Variants in RANBP2 observed in about 807,000 individuals in gnomAD.
RANBP2 encodes the protein E3 SUMO-protein ligase RanBP2.
In RANBP2, 57 loss-of-function variants were observed where a neutral mutation model predicts 303.6. That is an observed-to-expected ratio of 0.19 (90% confidence interval 0.15 to 0.23). The LOEUF is 0.23. RANBP2 is among the 10% of genes least tolerant of loss of function. RANBP2 has a pLI of 1.00. For missense variants in RANBP2, 3,138 were observed against 3,780.8 expected (o/e 0.83, Z 4.46); for synonymous variants, 1,167 against 1,301.5 (o/e 0.90, Z 2.23).
At chr2:108,905,992 G>T in the RANBP2 span, among the ~76,000 whole-genome samples, 1 of 146,012 alleles carries the variant, frequency 6.8e-6, no homozygotes, top group South Asian at 2.1e-4. Flanking sequence ...GGTCTCTGGG[G>T]ACACGGGAGG....
At chr2:109,696,123 C>G in the RANBP2 span, among the ~76,000 whole-genome samples, 1 of 152,020 alleles carries the variant, frequency 6.6e-6, no homozygotes, top group Non-Finnish European at 1.5e-5. Context: ...GCCACCATGC[C>G]TGGCTAATTT....
chr2:109,679,466 G>T, the RANBP2 span, among the ~76,000 whole-genome samples: 1 of 152,166 alleles, frequency 6.6e-6, no homozygotes, highest in Non-Finnish European at 1.5e-5. Context: ...TATGAAAGTT[G>T]AACATGTACA....
chr2:109,418,453 G>T, the RANBP2 span, among the ~76,000 whole-genome samples: 3 of 152,104 alleles, frequency 2.0e-5, no homozygotes, highest in African/African-American at 7.2e-5. Flanking sequence ...CTGTTCCGGG[G>T]CTCCCTCCTG....
chr2:109,750,468 G>A, the RANBP2 span, among the ~76,000 whole-genome samples: 1 of 7,810 alleles, frequency 1.3e-4, no homozygotes, highest in African/African-American at 4.1e-4. Flanking sequence ...TCTGGGTTAT[G>A]CTAATGGTTG....
the RANBP2 span, among the ~76,000 whole-genome samples, chr2:109,039,220 G>T: frequency 4.6e-5 from 7 of 152,220 alleles, no homozygotes; most frequent in Non-Finnish European, 1.0e-4. Context: ...TCTCCAGCCT[G>T]CTGGTCTTTC....
At chr2:109,520,935 CAAA>C in the RANBP2 span, among the ~76,000 whole-genome samples, 1 of 118,300 alleles carries the variant, frequency 8.5e-6, no homozygotes. Context: ...GACTCCATCT[CAAA>C]AAAAAAAAAG....
the RANBP2 span, among the ~76,000 whole-genome samples, chr2:109,319,597 G>A: frequency 2.6e-5 from 4 of 152,350 alleles, no homozygotes; most frequent in South Asian, 8.3e-4. Flanking sequence ...AGAACAGAAA[G>A]CCCCACACTC....
At chr2:109,039,876 C>G in the RANBP2 span, among the ~76,000 whole-genome samples, 1 of 151,918 alleles carries the variant, frequency 6.6e-6, no homozygotes, top group Non-Finnish European at 1.5e-5. Context: ...TGTGTATGAT[C>G]TCTATGCAGT....
chr2:108,781,978 C>T, intron 26 of RANBP2, 150 bp from the exon 27 acceptor site: 2 of 815,828 alleles, frequency 2.5e-6, no homozygotes, highest in South Asian at 3.7e-5. Context: ...CAGATATATT[C>T]CTAGCCCTAA....
At chr2:108,757,679 G>A (rs1650584173) in intron 17 of RANBP2, among the ~76,000 whole-genome samples, 1 of 152,198 alleles carries the variant, frequency 6.6e-6, no homozygotes, top group Admixed American at 6.5e-5. Flanking sequence ...TTGCAGTGCA[G>A]AAAGAACACA....
chr2:109,574,574 A>T, the RANBP2 span: 1 of 1,496,254 alleles, frequency 6.7e-7, no homozygotes, highest in Non-Finnish European at 8.9e-7. Flanking sequence ...TCCTTTCCTC[A>T]ACCCACCTTG....
At chr2:109,522,421 C>T in the RANBP2 span, among the ~76,000 whole-genome samples, 1 of 152,074 alleles carries the variant, frequency 6.6e-6, no homozygotes, top group African/African-American at 2.4e-5. Context: ...CCCCACCCCC[C>T]AAGTATCTGG....
At chr2:109,133,108 GCT>G in the RANBP2 span, among the ~76,000 whole-genome samples, 52 of 152,352 alleles carry the variant, frequency 3.4e-4, no homozygotes, top group African/African-American at 1.2e-3. Context: ...GTGGTTGCAA[GCT>G]GTCTGCCCAG....
the RANBP2 span, chr2:108,873,283 G>A: frequency 8.3e-6 from 2 of 241,688 alleles, no homozygotes; most frequent in Non-Finnish European, 1.2e-5. Flanking sequence ...GCCAGTGGAT[G>A]TTTTAATTTT....
At chr2:109,668,315 A>G in the RANBP2 span, among the ~76,000 whole-genome samples, 1 of 147,310 alleles carries the variant, frequency 6.8e-6, no homozygotes, top group African/African-American at 2.5e-5. Flanking sequence ...TTTTCCTGTT[A>G]GTTTTGGCTT....
the RANBP2 span, among the ~76,000 whole-genome samples, chr2:109,066,521 T>C: frequency 1.3e-5 from 2 of 151,988 alleles, no homozygotes; most frequent in Middle Eastern, 3.4e-3. Flanking sequence ...TTGTGGGGGG[T>C]GCCCTCTAAA....
chr2:109,140,962 G>A, the RANBP2 span, among the ~76,000 whole-genome samples: 1 of 152,156 alleles, frequency 6.6e-6, no homozygotes, highest in Non-Finnish European at 1.5e-5. Flanking sequence ...TCCATCCGGG[G>A]CTGCTGTGAA....
At chr2:108,979,473 A>T in the RANBP2 span, among the ~76,000 whole-genome samples, 42,373 of 138,870 alleles carry the variant, frequency 0.31, 6,670 homozygotes, top group African/African-American at 0.46. Flanking sequence ...TCTCTCACAC[A>T]CACACACACA....
At chr2:109,543,594 T>C in the RANBP2 span, 4 of 152,202 alleles carry the variant, frequency 2.6e-5, no homozygotes, top group Admixed American at 6.5e-5. Context: ...TTTTAGCATA[T>C]ATAAAAAAGG....
Sources: gnomAD v4.1 joint callset for allele counts (sites outside exome capture counted in the v4.1 genomes callset) on GRCh38, gnomAD v4.1.1 for gene constraint, MANE v1.5 for transcripts, NCBI Gene and HGNC (gene_info 2026-07-23, HGNC 2026-07-21) for gene names.